The following HEATR5B variants were observed in gnomAD, a reference collection of about 807,000 sequenced individuals.
HEATR5B encodes HEAT repeat-containing protein 5B.
Under a neutral mutation model 224.1 loss-of-function variants are expected in HEATR5B, and 156 were observed. That is an observed-to-expected ratio of 0.70 (90% CI 0.61 to 0.80). HEATR5B has a LOEUF of 0.80. Ranked by LOEUF, HEATR5B falls within the 30% of genes least tolerant of loss-of-function variation. The pLI is 0.00. For synonymous variants in HEATR5B, 1,027 were observed against 893.0 expected, an observed-to-expected ratio of 1.15 and a Z score of -2.68; for missense variants, 2,323 against 2,535.5, an observed-to-expected ratio of 0.92 and a Z score of 1.80.
chr2:37,007,011 A>T (rs772930189), intron 29 of HEATR5B, 39 bp downstream of exon 29: 18 of 1,584,606 alleles, frequency 1.1e-5, no homozygotes, highest in Non-Finnish European at 1.5e-5. Flanking sequence ...GAATTTTCAG[A>T]AGTGATAATC....
intron 31 of HEATR5B, among the ~76,000 whole-genome samples, chr2:37,003,208 T>C (rs1167822096): frequency 5.6e-5 from 8 of 141,840 alleles, no homozygotes; most frequent in Non-Finnish European, 9.0e-5. Flanking sequence ...TAAGCCGAGA[T>C]TGCACCACTG....
intron 33 of HEATR5B, among the ~76,000 whole-genome samples, chr2:36,993,212 A>T (rs1372335734): frequency 6.6e-6 from 1 of 152,060 alleles, no homozygotes; most frequent in East Asian, 1.9e-4. Context: ...ACATTGAAGT[A>T]ACAGTAAGGG....
At chr2:36,987,517 CAATT>C (rs1666029856) in intron 35 of HEATR5B, among the ~76,000 whole-genome samples, 1 of 151,160 alleles carries the variant, frequency 6.6e-6, no homozygotes, top group Non-Finnish European at 1.5e-5. Flanking sequence ...AGTCTGTCTA[CAATT>C]AAAAATCATA....
chr2:37,019,757 T>C (rs1004274143), intron 26 of HEATR5B, 52 bp downstream of exon 26: 2 of 1,232,190 alleles, frequency 1.6e-6, no homozygotes, highest in African/African-American at 3.1e-5. Context: ...AATTCTAAGA[T>C]ATCTATGAAT....
chr2:37,073,728 C>G (rs751773717), intron 5 of HEATR5B, among the ~76,000 whole-genome samples: 2 of 152,190 alleles, frequency 1.3e-5, no homozygotes, highest in Non-Finnish European at 2.9e-5. Flanking sequence ...TGGCAATTCT[C>G]TCCAAATTCA....
chr2:37,000,686 A>T lies in HEATR5B; in HGVS notation c.5445T>A (p.Ile1815=). The part of the protein sequence containing the change: ...VSAALQGIKS[I]VTLSMAKTEA... The stretch of plus-strand genomic sequence containing the variant: ...CAGTTTTGGCCATTGAAAGTGTCAC[A>T]ATACTTTTAATCCCTTGAAGAGCTG... The change falls in exon 33 of 36, where the codon ATT becomes ATA. Residue 1815 remains isoleucine (I), a synonymous_variant. Coordinates refer to ENST00000233099, the MANE Select transcript of HEATR5B (RefSeq NM_019024.3). 6.2e-7 allele frequency: 1 copy of T among 1,614,096 alleles called. No homozygotes were observed. Among genetic ancestry groups the T allele is most frequent in the South Asian group, 1.1e-5 (1 of 91,092 alleles).
Position 37,028,967 on chromosome 2 carries a change from C to T in HEATR5B, c.3362-47G>A, listed in dbSNP as rs372247399. On this transcript the variant is annotated intron_variant, in intron 22 of 35. Coordinates refer to ENST00000233099, the MANE Select transcript of HEATR5B (RefSeq NM_019024.3). ...TGAATTTGTATGGTATTTTGGTGTACGCTATAGGTAACAATTATGATAAAG... is the reference window on the plus strand; with the variant it reads ...TGAATTTGTATGGTATTTTGGTGTATGCTATAGGTAACAATTATGATAAAG... The T allele has an allele frequency of 2.7e-5, 42 of 1,578,200 alleles. No individual in the cohort carries two copies. The African/African-American group carries it at 4.2e-4, about 16-fold the overall frequency.
At chr2:37,008,947 C>A (rs1667608148) in intron 27 of HEATR5B, 99 bp from the exon 28 acceptor site, 2 of 845,706 alleles carry the variant, frequency 2.4e-6, no homozygotes, top group Non-Finnish European at 1.9e-6. Context: ...TCAAAGATAA[C>A]TGGGTATAGA....
At chr2:37,082,005 T>C (rs1451968847) in intron 2 of HEATR5B, among the ~76,000 whole-genome samples, 1 of 147,952 alleles carries the variant, frequency 6.8e-6, no homozygotes, top group African/African-American at 2.5e-5. Context: ...CACTTTTAAA[T>C]TTGATCAGGC....
chr2:36,982,065 A>C (rs2148304840), intron 35 of HEATR5B, among the ~76,000 whole-genome samples: 1 of 151,910 alleles, frequency 6.6e-6, no homozygotes, highest in South Asian at 2.1e-4. Context: ...GTAATAAAAC[A>C]CTTTACAATT....
chr2:37,064,762 C>A lies in HEATR5B; in HGVS notation c.1562G>T (p.Gly521Val), dbSNP rs1460128561. 6.2e-7 allele frequency: 1 copy of A among 1,613,862 alleles called. No homozygotes were observed. The highest frequency in any genetic ancestry group is 8.5e-7 in the Non-Finnish European group (1 of 1,179,970). ...TACCTTTCCTTTGGCATGAGGAATG[C>A]CCAAAGGACACTGATGTACTCCACC... is the stretch of plus-strand genomic sequence containing the variant. ...LLGGVHQCPLGIPHAKGKMVV... is the reference protein window; with the variant it reads ...LLGGVHQCPLVIPHAKGKMVV... The change falls in exon 10 of 36, where the codon GGC becomes GTC. Residue 521 changes from glycine to valine, a missense_variant. Gly to Val is a moderately radical substitution (Grantham distance 109). Around this residue, in one of 12 missense-constraint regions of HEATR5B, gnomAD observed 502 missense variants for 517.8 expected, o/e 0.97. Coordinates refer to ENST00000233099, the MANE Select transcript of HEATR5B (RefSeq NM_019024.3).
At chr2:37,014,673 G>A (rs560961212) in intron 26 of HEATR5B, among the ~76,000 whole-genome samples, 3 of 150,276 alleles carry the variant, frequency 2.0e-5, no homozygotes, top group South Asian at 2.1e-4. Context: ...GCTATAAAGG[G>A]GACTTTAAAA....
chr2:37,048,140 T>C (rs1037589492), intron 18 of HEATR5B, among the ~76,000 whole-genome samples: 3 of 150,982 alleles, frequency 2.0e-5, no homozygotes, highest in Admixed American at 6.6e-5. Context: ...TTGTGTTTCA[T>C]CAAAGTACAA....
intron 5 of HEATR5B, 103 bp from the exon 6 acceptor site, chr2:37,072,384 A>G: frequency 2.9e-6 from 2 of 693,194 alleles, no homozygotes; most frequent in Non-Finnish European, 4.7e-6. Flanking sequence ...TAACCAAAAA[A>G]CTCGACAAAA....
At chr2:36,993,168 G>C (rs78683109) in intron 33 of HEATR5B, among the ~76,000 whole-genome samples, 1,835 of 152,204 alleles carry the variant, frequency 0.012, 44 homozygotes, top group African/African-American at 0.042. Flanking sequence ...CTTGGGGCTA[G>C]AAAGTATGGA....
intron 26 of HEATR5B, among the ~76,000 whole-genome samples, chr2:37,019,467 T>A (rs1401954779): frequency 6.6e-6 from 1 of 151,918 alleles, no homozygotes; most frequent in Non-Finnish European, 1.5e-5. Flanking sequence ...TCTCTTTTTT[T>A]TTTTTTTGAG....
At chr2:36,982,861 G>GAGACACAC in intron 35 of HEATR5B, among the ~76,000 whole-genome samples, 1 of 58,514 alleles carries the variant, frequency 1.7e-5, no homozygotes, top group South Asian at 6.6e-4. Flanking sequence ...AACAGACACA[G>GAGACACAC]ATACACACAC....
At chr2:37,019,156 T>A (rs1668309315) in intron 26 of HEATR5B, among the ~76,000 whole-genome samples, 2 of 150,508 alleles carry the variant, frequency 1.3e-5, no homozygotes, top group Admixed American at 6.6e-5. Context: ...TGAGACTCAG[T>A]CTCCAAAAAA....
chr2:37,040,920 T>A, intron 19 of HEATR5B: 1 of 494,234 alleles, frequency 2.0e-6, no homozygotes, highest in Non-Finnish European at 3.5e-6. Flanking sequence ...AGAAAATATG[T>A]TTGAAGGAAT....
Sources: allele counts gnomAD v4.1 joint callset (sites outside exome capture counted in the v4.1 genomes callset), GRCh38; gene constraint gnomAD v4.1.1; regional missense constraint gnomAD v4.1.1; transcripts MANE v1.5; gene names NCBI Gene and HGNC (gene_info 2026-07-23, HGNC 2026-07-21).